Variants in SCG2 observed in about 807,000 individuals in gnomAD.
SCG2 encodes the protein secretogranin-2.
SCG2 carries 23 observed loss-of-function variants against 49.5 expected under a neutral mutation model. That is an observed-to-expected ratio of 0.46 (90% CI 0.33 to 0.66). SCG2 has a LOEUF of 0.66. Among genes scored for constraint, SCG2 ranks in the 30% least tolerant of loss-of-function variants. The probability of loss-of-function intolerance (pLI) is 0.01; values close to 1 mark genes in which losing one functional copy is unlikely to be tolerated. For synonymous variants in SCG2, 288 were observed against 260.4 expected, an observed-to-expected ratio of 1.11 and a Z score of -1.02; for missense variants, 730 against 728.2, an observed-to-expected ratio of 1.00 and a Z score of -0.03.
rs761606089 is a variant in SCG2 at position 223,597,464 on chromosome 2, C to G, written c.1819G>C (p.Glu607Gln). The stretch of plus-strand genomic sequence containing the variant: ...TCCATTGCTCTCTTAGCAATATGCT[C>G]CCTTCCCTTTTCTGCCTTTTCTTGG... ...LNQEKAEKGREHIAKRAMENM is the reference protein window; with the variant it reads ...LNQEKAEKGRQHIAKRAMENM The change falls in exon 2 of 2, where the codon GAG becomes CAG. Residue 607 changes from glutamate (E) to glutamine (Q), a missense_variant. By Grantham distance (29) the Glu-to-Gln change is conservative. Transcript: ENST00000305409. 6.2e-7 allele frequency: 1 copy of G among 1,612,002 alleles called. No individual in the cohort carries two copies. Among genetic ancestry groups the G allele is most frequent in the Non-Finnish European group, 8.5e-7 (1 of 1,179,090 alleles).
intron 1 of SCG2, among the ~76,000 whole-genome samples, chr2:223,600,847 T>G (rs1171034865): frequency 1.3e-5 from 2 of 152,174 alleles, no homozygotes; most frequent in Non-Finnish European, 2.9e-5. Context: ...TATAAATACA[T>G]GTTTACTATA....
chr2:223,597,537 C>A lies in SCG2; in HGVS notation c.1746G>T (p.Arg582Ser), dbSNP rs1691316143. Residue 582 changes from arginine (R) to serine (S), a missense_variant, in exon 2 of 2, where the codon AGG becomes AGT. By Grantham distance (110) the Arg-to-Ser change is moderately radical. Transcript: ENST00000305409. The part of the protein sequence containing the change: ...GPPKNDDTPN[R>S]QYWDEDLLMK... Reference sequence around the variant, plus strand: ...TTAACAGATCTTCATCCCAGTACTGCCTATTTGGGGTATCATCATTCTTCG... The same window carrying A: ...TTAACAGATCTTCATCCCAGTACTGACTATTTGGGGTATCATCATTCTTCG... 6.2e-7 allele frequency: 1 copy of A among 1,614,146 alleles called. No homozygotes were observed. Among genetic ancestry groups the A allele is most frequent in the Non-Finnish European group, 8.5e-7 (1 of 1,180,032 alleles).
In SCG2 at chr2:223,597,441, C is replaced by T; in HGVS notation, c.1842G>A (p.Met614Ile). The change falls in exon 2 of 2, where the codon ATG becomes ATA. Residue 614 changes from methionine (M) to isoleucine (I), a missense_variant. Transcript: ENST00000305409. ...KGREHIAKRA[M>I]ENM is the part of the protein sequence containing the mutation. ...TAATGAAAGCAGCTTACATATTTTC[C>T]ATTGCTCTCTTAGCAATATGCTCCC... is the stretch of plus-strand genomic sequence containing the variant. 11 of 1,595,780 alleles carry T rather than the reference C, an allele frequency of 6.9e-6. No individual in the cohort carries two copies. The highest frequency in any genetic ancestry group is 1.3e-5 in the African/African-American group (1 of 74,234).
intron 1 of SCG2, 49 bp from the exon 2 acceptor site, chr2:223,599,345 C>A: frequency 7.0e-7 from 1 of 1,430,650 alleles, no homozygotes; most frequent in Non-Finnish European, 9.4e-7. Flanking sequence ...AACTAGAAGA[C>A]ACTATAGCAA....
chr2:223,598,712 T>C lies in SCG2; in HGVS notation c.571A>G (p.Thr191Ala), dbSNP rs1331022002. The change falls in exon 2 of 2, where the codon ACT becomes GCT. Residue 191 changes from threonine to alanine, a missense_variant. Coordinates refer to ENST00000305409, the MANE Select transcript of SCG2 (RefSeq NM_003469.5). ...RTNEIVEEQY[T>A]PQSLATLESV... ...TCCAATGTAGCAAGGCTTTGAGGAG[T>C]ATATTGTTCCTCCACTATTTCATTT... 6.2e-7 allele frequency: 1 copy of C among 1,613,586 alleles called. No homozygotes were observed. The highest frequency in any genetic ancestry group is 8.5e-7 in the Non-Finnish European group (1 of 1,180,022).
Position 223,598,913 on chromosome 2 carries a change from C to T in SCG2, c.370G>A (p.Glu124Lys), listed in dbSNP as rs776572864. 8 of 1,614,058 alleles carry T rather than the reference C, an allele frequency of 5.0e-6. No homozygotes were observed. The highest frequency in any genetic ancestry group is 4.0e-5 in the African/African-American group (3 of 74,916). The change falls in exon 2 of 2, where the codon GAG (glutamate) becomes AAG (lysine). Residue 124 changes from glutamate to lysine, a missense_variant. Coordinates refer to ENST00000305409, the MANE Select transcript of SCG2 (RefSeq NM_003469.5). The part of the protein sequence containing the change: ...ILEALRQAEN[E>K]PQSAPKENKP... ...TTTTCTTTTGGTGCAGACTGAGGCT[C>T]ATTTTCAGCCTGTCTCAAAGCTTCG...
chr2:223,597,706 C>A lies in SCG2; in HGVS notation c.1577G>T (p.Arg526Leu), dbSNP rs1412043621. 2 of 1,614,020 alleles carry A rather than the reference C, an allele frequency of 1.2e-6. No homozygotes were observed. Among genetic ancestry groups the A allele is most frequent in the Non-Finnish European group, 8.5e-7 (1 of 1,180,042 alleles). ...PEIINSNQVK[R>L]VPGQGSSEDD... The stretch of plus-strand genomic sequence containing the variant: ...TTCAGATGAGCCTTGACCAGGAACT[C>A]GCTTCACTTGGTTTGAATTAATGAT... Residue 526 changes from arginine to leucine, a missense_variant, in exon 2 of 2, where the codon CGA (arginine) becomes CTA (leucine). By Grantham distance (102) the Arg-to-Leu change is moderately radical. Coordinates refer to ENST00000305409, the MANE Select transcript of SCG2 (RefSeq NM_003469.5).
rs761026628 is a variant in SCG2, at chr2:223,598,884, C to G, written c.399G>C (p.Lys133Asn). ...NEPQSAPKEN[K>N]PYALNSEKNF... ...TCTTTTCTGAATTCAAGGCATAGGG[C>G]TTATTTTCTTTTGGTGCAGACTGAG... is the stretch of plus-strand genomic sequence containing the variant. Residue 133 changes from lysine to asparagine, a missense_variant, in exon 2 of 2, where the codon AAG becomes AAC. Physicochemically the swap from Lys to Asn is moderately conservative, Grantham distance 94 (BLOSUM62 0). Coordinates refer to ENST00000305409, the MANE Select transcript of SCG2 (RefSeq NM_003469.5). 1.2e-6 allele frequency: 2 copies of G among 1,614,054 alleles called. No homozygotes were observed. The highest frequency in any genetic ancestry group is 1.7e-6 in the Non-Finnish European group (2 of 1,180,040).
In SCG2 at chr2:223,598,527, T is replaced by C. The variant is rs141648854; in HGVS notation, c.756A>G (p.Pro252=). 1.5e-3 allele frequency: 2,429 copies of C among 1,613,932 alleles called. 3 individuals carry two copies. The highest frequency in any genetic ancestry group is 1.3e-3 in the Non-Finnish European group (1,522 of 1,180,046). The part of the protein sequence containing the change: ...EDVVGGEDWN[P]VEEKIESQTQ... Reference sequence around the variant, plus strand: ...TTTGACTCTCTATTTTCTCCTCTACTGGGTTCCAGTCTTCTCCCCCGACCA... The same window carrying C: ...TTTGACTCTCTATTTTCTCCTCTACCGGGTTCCAGTCTTCTCCCCCGACCA... Residue 252 remains proline (P), a synonymous_variant, in exon 2 of 2, where the codon CCA becomes CCG. Transcript: ENST00000305409.
At position 223,597,209 on chromosome 2, in the gene SCG2, T is replaced by A; in HGVS notation, c.*220A>T. 1 of 436,798 alleles carries A rather than the reference T, an allele frequency of 2.3e-6. No individual in the cohort carries two copies. The highest frequency in any genetic ancestry group is 3.9e-6 in the Non-Finnish European group (1 of 253,516). 27.1% of individuals were successfully genotyped at this position (436,798 alleles called of 1,614,324 possible). A position where few individuals can be genotyped will look rare whatever the true frequency, so the allele number is the denominator to read the frequency against. ...TATCTTTCTTGAATAATGGACATAA[T>A]AAATTTTTTATCAAGGAGTCATAAC... On this transcript the variant is annotated 3_prime_UTR_variant, in exon 2 of 2. Coordinates refer to ENST00000305409, the MANE Select transcript of SCG2 (RefSeq NM_003469.5).
chr2:223,601,665 C>T (rs557418965), intron 1 of SCG2, among the ~76,000 whole-genome samples: 1 of 152,200 alleles, frequency 6.6e-6, no homozygotes, highest in East Asian at 1.9e-4. Flanking sequence ...AAGGAAGAAT[C>T]CAGTGTTCAG....
Position 223,598,329 on chromosome 2 carries a change from T to C in SCG2, c.954A>G (p.Val318=). 1 of 1,614,090 alleles carries C rather than the reference T, an allele frequency of 6.2e-7. No homozygotes were observed. Among genetic ancestry groups the C allele is most frequent in the Non-Finnish European group, 8.5e-7 (1 of 1,180,036 alleles). Residue 318 remains valine, a synonymous_variant, in exon 2 of 2, where the codon GTA becomes GTG. Transcript: ENST00000305409. Reference sequence around the variant, plus strand: ...GTAACCTCCCACTTCCTGCAGCATTTACTAACCTTTTCAAATAGGCAATTA... The same window carrying C: ...GTAACCTCCCACTTCCTGCAGCATTCACTAACCTTTTCAAATAGGCAATTA... ...SKVIAYLKRL[V]NAAGSGRLQN...
chr2:223,597,269 G>T lies in SCG2; in HGVS notation c.*160C>A. The T allele has an allele frequency of 1.2e-6, 1 of 820,610 alleles. No homozygotes were observed. The highest frequency in any genetic ancestry group is 1.8e-6 in the Non-Finnish European group (1 of 547,516). The allele number at this position is 820,610 out of a possible 1,614,324, so 50.8% of individuals were successfully genotyped here. A position where few individuals can be genotyped will look rare whatever the true frequency, so the allele number is the denominator to read the frequency against. ...TATCCATACACAAGATAACAGCTCA[G>T]AGGAAATGAAGCAGACTCCCCAGTG... is the stretch of plus-strand genomic sequence containing the variant. On this transcript the variant is annotated 3_prime_UTR_variant, in exon 2 of 2. Coordinates refer to ENST00000305409, the MANE Select transcript of SCG2 (RefSeq NM_003469.5).
rs1691402565 is a variant in SCG2, at chr2:223,602,287, C to T, written c.-17G>A. 1 of 152,098 alleles carries T rather than the reference C, an allele frequency of 6.6e-6. No individual in the cohort carries two copies. The allele number at this position is 152,098 out of a possible 1,614,324, so 9.4% of individuals were successfully genotyped here. On this transcript the variant is annotated splice_region_variant and 5_prime_UTR_variant, in exon 1 of 2. Coordinates refer to ENST00000305409, the MANE Select transcript of SCG2 (RefSeq NM_003469.5). The stretch of plus-strand genomic sequence containing the variant: ...ATCAAAGAGAAAAGCAGCCTTACCT[C>T]TTTTTGTTTATATGGCAGAGGAGCT...
Position 223,598,207 on chromosome 2 carries a change from T to A in SCG2, c.1076A>T (p.Gln359Leu). 1 of 1,614,196 alleles carries A rather than the reference T, an allele frequency of 6.2e-7. No individual in the cohort carries two copies. Among genetic ancestry groups the A allele is most frequent in the Non-Finnish European group, 8.5e-7 (1 of 1,180,040 alleles). Residue 359 changes from glutamine to leucine, a missense_variant, in exon 2 of 2, where the codon CAG becomes CTG. Gln to Leu is a moderately radical substitution (Grantham distance 113). Coordinates refer to ENST00000305409, the MANE Select transcript of SCG2 (RefSeq NM_003469.5). ...YQLIEISRNL[Q>L]IPPEDLIEML... ...CTCAATTAAGTCTTCTGGGGGTATC[T>A]GTAAATTCCTTGAGATTTCAATCAG...
intron 1 of SCG2, among the ~76,000 whole-genome samples, chr2:223,599,731 T>C (rs575131401): frequency 1.2e-4 from 18 of 152,344 alleles, no homozygotes; most frequent in African/African-American, 3.4e-4. Flanking sequence ...AACATGCATT[T>C]ACACATACGC....
chr2:223,598,153 C>A lies in SCG2; in HGVS notation c.1130G>T (p.Gly377Val). ...AAGCTCCCGCTCCGGTTCCACTGATCCATTCGGCTTCTCCCCAGTTTTGAG... is the reference window on the plus strand; with the variant it reads ...AAGCTCCCGCTCCGGTTCCACTGATACATTCGGCTTCTCCCCAGTTTTGAG... ...EMLKTGEKPN[G>V]SVEPERELDL... Residue 377 changes from glycine (G) to valine (V), a missense_variant, in exon 2 of 2, where the codon GGA (glycine) becomes GTA (valine). Gly to Val is a moderately radical substitution (Grantham distance 109, BLOSUM62 -3). Coordinates refer to ENST00000305409, the MANE Select transcript of SCG2 (RefSeq NM_003469.5). The A allele has an allele frequency of 6.2e-7, 1 of 1,613,614 alleles. No individual in the cohort carries two copies.
rs1379185177 is a variant in SCG2 at position 223,598,718 on chromosome 2, G to T, written c.565C>A (p.Gln189Lys). The T allele has an allele frequency of 5.0e-6, 8 of 1,613,596 alleles. No individual in the cohort carries two copies. Among genetic ancestry groups the T allele is most frequent in the Admixed American group, 1.7e-5 (1 of 59,990 alleles). ...GTAGCAAGGCTTTGAGGAGTATATT[G>T]TTCCTCCACTATTTCATTTGTGCGT... is the stretch of plus-strand genomic sequence containing the variant. ...FKRTNEIVEE[Q>K]YTPQSLATLE... Residue 189 changes from glutamine to lysine, a missense_variant, in exon 2 of 2, where the codon CAA becomes AAA. Physicochemically the swap from Gln to Lys is moderately conservative, Grantham distance 53. Transcript: ENST00000305409.
At chr2:223,600,150 C>T (rs1403619424) in intron 1 of SCG2, among the ~76,000 whole-genome samples, 3 of 152,124 alleles carry the variant, frequency 2.0e-5, no homozygotes, top group African/African-American at 7.2e-5. Flanking sequence ...TTTTCATCAG[C>T]CCTTCAGAGT....
Sources: allele counts gnomAD v4.1 joint callset (sites outside exome capture counted in the v4.1 genomes callset), GRCh38; gene constraint gnomAD v4.1.1; transcripts MANE v1.5; gene names NCBI Gene and HGNC (gene_info 2026-07-23, HGNC 2026-07-21).